SLC25A48: variants seen among roughly 807,000 people sequenced by gnomAD.
SLC25A48 encodes solute carrier family 25 member 48, also known as CTC-321K16.1.
A neutral mutation model predicts 32.2 loss-of-function variants in SLC25A48; 29 were observed. The ratio of observed to expected loss-of-function variants is 0.90; its 90% CI spans 0.67 to 1.23. SLC25A48 has a LOEUF of 1.23. Among genes scored for constraint, SLC25A48 ranks in the 50% most tolerant of loss-of-function variants. SLC25A48 has a pLI of 0.00. For missense variants in SLC25A48, 399 were observed against 422.7 expected (o/e 0.94, Z 0.49); for synonymous variants, 164 against 172.3 (o/e 0.95, Z 0.38).
At chr5:135,804,656 A>G (rs897205900) in intron 3 of SLC25A48, among the ~76,000 whole-genome samples, 1 of 151,520 alleles carries the variant, frequency 6.6e-6, no homozygotes, top group Non-Finnish European at 1.5e-5. Flanking sequence ...TCTTAATATC[A>G]TAGGGAGATA....
intron 2 of SLC25A48, among the ~76,000 whole-genome samples, chr5:135,843,737 A>T (rs1481869882): frequency 6.6e-6 from 1 of 152,212 alleles, no homozygotes; most frequent in Non-Finnish European, 1.5e-5. Flanking sequence ...CAAGGGTGGG[A>T]ACAGGCTGCG....
intron 3 of SLC25A48, among the ~76,000 whole-genome samples, chr5:135,717,133 G>A (rs946475636): frequency 2.0e-5 from 3 of 152,156 alleles, no homozygotes; most frequent in Admixed American, 1.3e-4. Flanking sequence ...GGCAGATGTC[G>A]CTAGCATCAG....
At chr5:135,800,224 C>T (rs1217649419) in intron 3 of SLC25A48, among the ~76,000 whole-genome samples, 2 of 151,734 alleles carry the variant, frequency 1.3e-5, no homozygotes, top group African/African-American at 4.8e-5. Context: ...GAGTACACCC[C>T]GCCCAGTGAT....
chr5:135,653,015 C>T (rs572581581), intron 3 of SLC25A48, among the ~76,000 whole-genome samples: 6 of 152,280 alleles, frequency 3.9e-5, no homozygotes, highest in Admixed American at 3.3e-4. Flanking sequence ...GGTGGGTTCA[C>T]GCTCTTCCAC....
chr5:135,766,115 C>T (rs1409073540), intron 3 of SLC25A48, among the ~76,000 whole-genome samples: 1 of 151,772 alleles, frequency 6.6e-6, no homozygotes, highest in South Asian at 2.1e-4. Flanking sequence ...GGATGTACAG[C>T]CCCCTGTGAT....
intron 7 of SLC25A48, among the ~76,000 whole-genome samples, chr5:135,886,692 G>C (rs142034573): frequency 0.07 from 9,351 of 133,546 alleles, 622 homozygotes; most frequent in East Asian, 0.12. Flanking sequence ...GAGAGAGAGA[G>C]AGAGAGAGAG....
At chr5:135,879,817 C>G (rs1762329123) in intron 6 of SLC25A48, 151 bp from the exon 7 acceptor site, 2 of 1,132,298 alleles carry the variant, frequency 1.8e-6, no homozygotes, top group Admixed American at 2.8e-5. Context: ...CTGGGACTTC[C>G]CTGTGTGGTC....
intron 3 of SLC25A48, among the ~76,000 whole-genome samples, chr5:135,799,976 A>G (rs543337769): frequency 9.2e-5 from 14 of 151,738 alleles, no homozygotes; most frequent in Non-Finnish European, 1.8e-4. Context: ...TCACTCCCAA[A>G]ATCGCAGAAG....
intron 1 of SLC25A48, among the ~76,000 whole-genome samples, chr5:135,590,058 G>GT (rs1390629983): frequency 3.3e-5 from 5 of 151,826 alleles, no homozygotes; most frequent in East Asian, 1.9e-4. Context: ...TTGCTTTTTT[G>GT]TTTTTTTTGG....
At chr5:135,789,775 G>C (rs1294260461) in intron 3 of SLC25A48, among the ~76,000 whole-genome samples, 3 of 151,930 alleles carry the variant, frequency 2.0e-5, no homozygotes, top group Non-Finnish European at 4.4e-5. Flanking sequence ...TGTACCTTGC[G>C]ATATGGGGAG....
chr5:135,770,452 C>T (rs1756378127), intron 3 of SLC25A48, among the ~76,000 whole-genome samples: 2 of 151,610 alleles, frequency 1.3e-5, no homozygotes, highest in Admixed American at 1.3e-4. Context: ...GATATTGTTT[C>T]TAATATCCAT....
In SLC25A48 at chr5:135,734,772, G is replaced by A. The variant is rs184500119; in HGVS notation, c.-520-77751G>A. Among the ~76,000 whole-genome samples, 746 of 149,672 alleles carry A rather than the reference G, an allele frequency of 5.0e-3. 7 individuals carry two copies. Among genetic ancestry groups the A allele is most frequent in the African/African-American group, 0.017 (707 of 40,774 alleles). On this transcript the variant is annotated intron_variant, in intron 3 of 10. Coordinates refer to the SLC25A48 transcript ENST00000646290. ...GCGGAGCTTGCAGTGAGCTGAGATCGTGCCACTGCACTCCAGCCTGGGCGA... is the reference window on the plus strand; with the variant it reads ...GCGGAGCTTGCAGTGAGCTGAGATCATGCCACTGCACTCCAGCCTGGGCGA...
intron 3 of SLC25A48, among the ~76,000 whole-genome samples, chr5:135,696,938 C>T (rs917274297): frequency 2.0e-5 from 3 of 152,098 alleles, no homozygotes; most frequent in African/African-American, 7.2e-5. Flanking sequence ...ATTTCATCTC[C>T]CAGTGTCTAC....
intron 3 of SLC25A48, among the ~76,000 whole-genome samples, chr5:135,674,198 G>A (rs867483984): frequency 6.6e-5 from 10 of 151,880 alleles, no homozygotes; most frequent in East Asian, 5.8e-4. Flanking sequence ...ATTGTGTTAC[G>A]TGCACAGACT....
chr5:135,828,771 C>A (rs546860931), intron 4 of SLC25A48, among the ~76,000 whole-genome samples: 19 of 152,338 alleles, frequency 1.2e-4, no homozygotes, highest in South Asian at 2.1e-4. Flanking sequence ...CATGGCCTAG[C>A]CCCTTTCCTT....
intron 3 of SLC25A48, among the ~76,000 whole-genome samples, chr5:135,723,392 A>ACACACACG (rs1755014896): frequency 1.2e-5 from 1 of 80,100 alleles, no homozygotes; most frequent in African/African-American, 3.9e-5. Flanking sequence ...ACACACACAC[A>ACACACACG]CACACACACA....
At chr5:135,723,700 A>C (rs1266640014) in intron 3 of SLC25A48, among the ~76,000 whole-genome samples, 1 of 152,170 alleles carries the variant, frequency 6.6e-6, no homozygotes, top group African/African-American at 2.4e-5. Flanking sequence ...CTGTAATCAT[A>C]ACACAGTTTT....
chr5:135,627,347 G>T (rs945151381), intron 1 of SLC25A48, among the ~76,000 whole-genome samples: 2 of 152,112 alleles, frequency 1.3e-5, no homozygotes, highest in Non-Finnish European at 2.9e-5. Context: ...CCTCACTGTG[G>T]TTCTATTATC....
At chr5:135,620,020 G>A (rs1179062615) in intron 1 of SLC25A48, among the ~76,000 whole-genome samples, 1 of 152,202 alleles carries the variant, frequency 6.6e-6, no homozygotes, top group Admixed American at 6.5e-5. Flanking sequence ...AGTAGGTTGG[G>A]CAGGTAGGTG....
Sources: gnomAD v4.1 joint callset for allele counts (sites outside exome capture counted in the v4.1 genomes callset) on GRCh38, gnomAD v4.1.1 for gene constraint, MANE v1.5 for transcripts, NCBI Gene and HGNC (gene_info 2026-07-23, HGNC 2026-07-21) for gene names.